AUTS2: variants seen among roughly 807,000 people sequenced by gnomAD.
AUTS2 encodes the protein autism susceptibility gene 2 protein.
Under a neutral mutation model 112.4 loss-of-function variants are expected in AUTS2, and 17 were observed. That is an observed-to-expected ratio of 0.15 (90% confidence interval 0.10 to 0.23). The LOEUF (loss-of-function observed/expected upper bound fraction) is 0.23. AUTS2 is among the 10% of genes least tolerant of loss of function. AUTS2 has a pLI of 1.00. For synonymous variants in AUTS2, 751 were observed against 702.7 expected, an observed-to-expected ratio of 1.07 and a Z score of -1.09; for missense variants, 1,510 against 1,701.6, an observed-to-expected ratio of 0.89 and a Z score of 1.98.
In AUTS2 at chr7:70,743,588, T is replaced by G. The variant is rs1363915912; in HGVS notation, c.743-19282T>G. On this transcript the variant is annotated intron_variant, in intron 6 of 18. Transcript: ENST00000342771. ...GGGCAGACAGAAAATTCTGTTTCTT[T>G]GTACCCAAAAAGATTTAAGCATTTG... 2.0e-5 allele frequency among the ~76,000 whole-genome samples: 3 copies of G among 152,206 alleles called. No homozygotes were observed. The East Asian group carries it at 5.8e-4, about 29-fold the overall frequency.
chr7:69,995,591 T>A (rs1390077836), intron 2 of AUTS2, among the ~76,000 whole-genome samples: 1 of 152,204 alleles, frequency 6.6e-6, no homozygotes, highest in Non-Finnish European at 1.5e-5. Flanking sequence ...CTTTACTTTG[T>A]GTACCCAGCA....
rs548672366 is a variant in AUTS2 at position 69,751,070 on chromosome 7, C to A, written c.310-148216C>A. Among the ~76,000 whole-genome samples, 9 of 152,178 alleles carry A rather than the reference C, an allele frequency of 5.9e-5. No individual in the cohort carries two copies. In the South Asian group the frequency reaches 1.9e-3, roughly 32 times the overall value. On this transcript the variant is annotated intron_variant, in intron 1 of 18. Coordinates refer to ENST00000342771, the MANE Select transcript of AUTS2 (RefSeq NM_015570.4). ...GAAGGTTTTTGTTCATTAAAAATCA[C>A]CAGGAAAACGAAAGTGACTTGCAAG...
intron 4 of AUTS2, 122 bp from the exon 5 acceptor site, chr7:70,435,630 C>T (rs562958992): frequency 1.1e-6 from 1 of 945,560 alleles, no homozygotes; most frequent in South Asian, 1.5e-5. Context: ...AGGAAGACAG[C>T]ATTTTTTATT....
intron 1 of AUTS2, among the ~76,000 whole-genome samples, chr7:69,710,641 C>G (rs1316780782): frequency 1.3e-5 from 2 of 152,224 alleles, no homozygotes; most frequent in Non-Finnish European, 2.9e-5. Flanking sequence ...ACCTAAACTT[C>G]TAAGTTGCAG....
At chr7:70,509,893 C>T (rs984255477) in intron 5 of AUTS2, among the ~76,000 whole-genome samples, 2 of 152,190 alleles carry the variant, frequency 1.3e-5, no homozygotes, top group African/African-American at 2.4e-5. Context: ...AAGAAACACC[C>T]TATTTCTTTG....
At chr7:70,625,010 C>T (rs1467745761) in intron 5 of AUTS2, among the ~76,000 whole-genome samples, 1 of 152,078 alleles carries the variant, frequency 6.6e-6, no homozygotes, top group Non-Finnish European at 1.5e-5. Context: ...CAGCCAGCAG[C>T]CTGGCTCATC....
chr7:70,225,295 G>T (rs554516984), intron 4 of AUTS2, among the ~76,000 whole-genome samples: 1 of 152,144 alleles, frequency 6.6e-6, no homozygotes, highest in Admixed American at 6.6e-5. Flanking sequence ...CTGCAGAACA[G>T]TTTTTAAAAG....
chr7:70,425,543 G>A (rs1355638593), intron 4 of AUTS2, among the ~76,000 whole-genome samples: 1 of 152,170 alleles, frequency 6.6e-6, no homozygotes, highest in Non-Finnish European at 1.5e-5. Context: ...TGGAATGAGT[G>A]GAAGGAGGGA....
chr7:69,808,539 C>T lies in AUTS2; in HGVS notation c.310-90747C>T, dbSNP rs1390844618. Among the ~76,000 whole-genome samples, 8 of 151,968 alleles carry T rather than the reference C, an allele frequency of 5.3e-5. No homozygotes were observed. The South Asian group carries it at 6.2e-4, about 12-fold the overall frequency. Reference sequence around the variant, plus strand: ...AAAAAAAAATTTTTTTTCAGGTTTGCGCTTAGGCACTAAATCATATACTAG... The same window carrying T: ...AAAAAAAAATTTTTTTTCAGGTTTGTGCTTAGGCACTAAATCATATACTAG... On this transcript the variant is annotated intron_variant, in intron 1 of 18. Transcript: ENST00000342771.
intron 5 of AUTS2, among the ~76,000 whole-genome samples, chr7:70,663,864 G>A (rs1462299302): frequency 6.6e-6 from 1 of 152,146 alleles, no homozygotes; most frequent in Non-Finnish European, 1.5e-5. Context: ...CAGATAATTA[G>A]TGGACCATAA....
intron 1 of AUTS2, among the ~76,000 whole-genome samples, chr7:69,773,792 CAGCCTTATGCTG>C (rs1449962658): frequency 1.3e-5 from 2 of 152,172 alleles, no homozygotes; most frequent in Non-Finnish European, 2.9e-5. Context: ...CAGCGGGGTC[CAGCCTTATGCTG>C]AGCTTCCGTC....
chr7:69,607,230 C>A (rs1194120127), intron 1 of AUTS2, among the ~76,000 whole-genome samples: 2 of 152,264 alleles, frequency 1.3e-5, no homozygotes, highest in Admixed American at 1.3e-4. Context: ...TTGGTGCCTT[C>A]TTTGAAGGTG....
chr7:69,952,519 T>C (rs1797065900), intron 2 of AUTS2, among the ~76,000 whole-genome samples: 1 of 152,186 alleles, frequency 6.6e-6, no homozygotes, highest in African/African-American at 2.4e-5. Context: ...TCCATTGAAC[T>C]AGTAGTTGTA....
chr7:70,031,304 A>G (rs1563052639), intron 2 of AUTS2, among the ~76,000 whole-genome samples: 1 of 152,190 alleles, frequency 6.6e-6, no homozygotes, highest in South Asian at 2.1e-4. Flanking sequence ...CTAATAATCT[A>G]TGGATTTAAT....
chr7:70,770,105 G>A (rs1026364525), intron 10 of AUTS2, among the ~76,000 whole-genome samples: 3 of 152,146 alleles, frequency 2.0e-5, no homozygotes, highest in African/African-American at 7.2e-5. Flanking sequence ...AGTTATAGTG[G>A]ATAATATATG....
At chr7:69,616,075 C>T (rs1793355832) in intron 1 of AUTS2, among the ~76,000 whole-genome samples, 1 of 152,118 alleles carries the variant, frequency 6.6e-6, no homozygotes, top group South Asian at 2.1e-4. Flanking sequence ...GTGAGAAGGT[C>T]CTTTAGCTGT....
At chr7:70,176,204 T>C (rs1372895107) in intron 4 of AUTS2, among the ~76,000 whole-genome samples, 1 of 152,180 alleles carries the variant, frequency 6.6e-6, no homozygotes, top group Non-Finnish European at 1.5e-5. Context: ...TAGTTTCCAA[T>C]GAAGGATGGA....
intron 1 of AUTS2, among the ~76,000 whole-genome samples, chr7:69,870,549 G>T (rs539557163): frequency 1.3e-5 from 2 of 148,514 alleles, no homozygotes; most frequent in Non-Finnish European, 3.0e-5. Flanking sequence ...AACAACATGT[G>T]TTAAGTACTG....
At chr7:70,053,267 A>G (rs1168857948) in intron 2 of AUTS2, among the ~76,000 whole-genome samples, 1 of 152,126 alleles carries the variant, frequency 6.6e-6, no homozygotes, top group Non-Finnish European at 1.5e-5. Context: ...GGTGTTCCTT[A>G]TTAAAGAAGC....
Sources: allele counts gnomAD v4.1 joint callset (sites outside exome capture counted in the v4.1 genomes callset), GRCh38; gene constraint gnomAD v4.1.1; transcripts MANE v1.5; gene names NCBI Gene and HGNC (gene_info 2026-07-23, HGNC 2026-07-21).